The following SPEN variants were observed in gnomAD, a reference collection of about 807,000 sequenced individuals.
SPEN encodes the protein spen family transcriptional repressor.
SPEN carries 18 observed loss-of-function variants against 269.9 expected under a neutral mutation model. The observed-to-expected ratio is 0.07, with a 90% CI of 0.05 to 0.10. The LOEUF is 0.10. Among genes scored for constraint, SPEN ranks in the 10% least tolerant of loss-of-function variants. The probability of loss-of-function intolerance (pLI) is 1.00; values close to 1 mark genes in which losing one functional copy is unlikely to be tolerated. For missense variants in SPEN, 3,822 were observed against 4,631.2 expected (o/e 0.83, Z 5.07); for synonymous variants, 1,726 against 1,765.7 (o/e 0.98, Z 0.56).
intron 1 of SPEN, among the ~76,000 whole-genome samples, chr1:15,857,205 C>T (rs2070395951): frequency 6.6e-6 from 1 of 152,086 alleles, no homozygotes; most frequent in South Asian, 2.1e-4. Flanking sequence ...GCTAGGACTA[C>T]AGGCGCACAC....
intron 1 of SPEN, among the ~76,000 whole-genome samples, chr1:15,868,926 A>G (rs2070545194): frequency 6.6e-6 from 1 of 152,208 alleles, no homozygotes; most frequent in East Asian, 1.9e-4. Flanking sequence ...TAATCTGAGT[A>G]TATGATTTCA....
intron 3 of SPEN, among the ~76,000 whole-genome samples, chr1:15,886,244 G>T (rs598371): frequency 3.9e-5 from 6 of 152,040 alleles, no homozygotes; most frequent in Admixed American, 3.9e-4. Flanking sequence ...CTTGCTTTTA[G>T]TTAGGATGCT....
At position 15,929,638 on chromosome 1, in the gene SPEN, A is replaced by G. The variant is rs764190139; in HGVS notation, c.3398A>G (p.Tyr1133Cys). The G allele has an allele frequency of 2.8e-5, 46 of 1,614,174 alleles. No homozygotes were observed. The South Asian group carries it at 2.9e-4, about 10-fold the overall frequency. Residue 1133 changes from tyrosine (Y) to cysteine (C), a missense_variant, in exon 11 of 15, where the codon TAT (tyrosine) becomes TGT (cysteine). Tyr to Cys is a radical substitution (Grantham distance 194, BLOSUM62 -2). This residue lies in a region of SPEN where 572 missense variants were observed against 582.6 expected (regional missense o/e 0.98). Coordinates refer to ENST00000375759, the MANE Select transcript of SPEN (RefSeq NM_015001.3). The surrounding 1 kb of genome is among the most constrained non-coding windows in gnomAD (Gnocchi z 5.8). ...GPEREDVRKN[Y>C]CSLRDETPER... is the part of the protein sequence containing the mutation. Reference sequence around the variant, plus strand: ...GAGAGAGAAGACGTTAGGAAAAACTATTGCAGTCTTCGTGATGAAACACCT... The same window carrying G: ...GAGAGAGAAGACGTTAGGAAAAACTGTTGCAGTCTTCGTGATGAAACACCT...
intron 1 of SPEN, among the ~76,000 whole-genome samples, chr1:15,852,680 C>G (rs1219219179): frequency 1.3e-5 from 2 of 152,070 alleles, no homozygotes; most frequent in African/African-American, 4.8e-5. Flanking sequence ...GAAGAGGTTT[C>G]AGGCTTGATT....
At chr1:15,918,872 T>C in intron 6 of SPEN, 54 bp from the exon 7 acceptor site, 2 of 1,487,092 alleles carry the variant, frequency 1.3e-6, no homozygotes, top group Non-Finnish European at 1.8e-6. Context: ...ACTTGGTTCA[T>C]TCTAATTTAT....
At chr1:15,857,169 A>G (rs1304338677) in intron 1 of SPEN, among the ~76,000 whole-genome samples, 6 of 150,968 alleles carry the variant, frequency 4.0e-5, no homozygotes, top group Non-Finnish European at 5.9e-5. Context: ...GGCTCAAGAG[A>G]TCCTCCCATC....
At chr1:15,917,151 T>C (rs531266870) in intron 6 of SPEN, among the ~76,000 whole-genome samples, 17 of 152,264 alleles carry the variant, frequency 1.1e-4, no homozygotes, top group African/African-American at 3.8e-4. Flanking sequence ...AGCAAATTAG[T>C]GTATGATTGT....
chr1:15,931,140 C>T lies in SPEN; in HGVS notation c.4900C>T (p.Pro1634Ser), dbSNP rs1198818493. The T allele has an allele frequency of 2.5e-6, 4 of 1,614,122 alleles. No individual in the cohort carries two copies. Among genetic ancestry groups the T allele is most frequent in the African/African-American group, 2.7e-5 (2 of 74,942 alleles). Residue 1634 changes from proline (P) to serine (S), a missense_variant, in exon 11 of 15, where the codon CCA (proline) becomes TCA (serine). Around this residue, in one of 16 missense-constraint regions of SPEN, gnomAD observed 533 missense variants for 618.8 expected, o/e 0.86. Transcript: ENST00000375759. This position sits in a 1 kb window ranked among gnomAD's most constrained non-coding sequence, Gnocchi z 4.8. Reference protein sequence around the residue: ...PENKDSELKTPPSVGPPSVTV... With the variant: ...PENKDSELKTSPSVGPPSVTV... ...GAATAAAGATTCAGAACTGAAAACT[C>T]CACCTTCCGTTGGGCCTCCAAGTGT...
At chr1:15,870,013 C>T (rs1007723680) in intron 1 of SPEN, among the ~76,000 whole-genome samples, 5 of 151,964 alleles carry the variant, frequency 3.3e-5, no homozygotes, top group Non-Finnish European at 5.9e-5. Context: ...GGATTACAGG[C>T]GGGCACCACC....
chr1:15,912,577 G>A (rs1000871180), intron 5 of SPEN, among the ~76,000 whole-genome samples: 1 of 152,052 alleles, frequency 6.6e-6, no homozygotes, highest in African/African-American at 2.4e-5. Context: ...AAACTGGCAC[G>A]GAATTGTTAG....
chr1:15,871,716 A>G (rs562578044), intron 1 of SPEN, among the ~76,000 whole-genome samples: 2 of 152,254 alleles, frequency 1.3e-5, no homozygotes, highest in Non-Finnish European at 2.9e-5. Flanking sequence ...GCAAATGGAC[A>G]CAAAAATATT....
In SPEN at chr1:15,932,791, C is replaced by T. The variant is rs766306532; in HGVS notation, c.6551C>T (p.Ala2184Val). 6.2e-7 allele frequency: 1 copy of T among 1,614,100 alleles called. No homozygotes were observed. ...GAACACATCGCAAAGCTCGCTGAGG[C>T]CTCTGCCTCTGCTGCCTATAAGGCA... ...AVEHIAKLAEASASAAYKADA... is the reference protein window; with the variant it reads ...AVEHIAKLAEVSASAAYKADA... The change falls in exon 11 of 15, where the codon GCC becomes GTC. Residue 2184 changes from alanine to valine, a missense_variant. Physicochemically the swap from Ala to Val is moderately conservative, Grantham distance 64. Coordinates refer to ENST00000375759, the MANE Select transcript of SPEN (RefSeq NM_015001.3). The surrounding 1 kb of genome is among the most constrained non-coding windows in gnomAD (Gnocchi z 4.2).
At chr1:15,884,996 G>T (rs959202070) in intron 3 of SPEN, among the ~76,000 whole-genome samples, 1 of 152,124 alleles carries the variant, frequency 6.6e-6, no homozygotes, top group African/African-American at 2.4e-5. Context: ...CTCCCAAAGT[G>T]CTGGGATTTC....
At chr1:15,920,149 A>G (rs554262612) in intron 8 of SPEN, among the ~76,000 whole-genome samples, 1 of 152,128 alleles carries the variant, frequency 6.6e-6, no homozygotes, top group South Asian at 2.1e-4. Context: ...AGCTCACTGC[A>G]ACCTCCGCCT....
intron 1 of SPEN, among the ~76,000 whole-genome samples, chr1:15,854,098 G>A (rs1400178055): frequency 1.3e-5 from 2 of 152,148 alleles, no homozygotes; most frequent in Admixed American, 6.5e-5. Flanking sequence ...ACCATGCCCG[G>A]CCTGCTTGCT....
At position 15,928,644 on chromosome 1, in the gene SPEN, G is replaced by C. The variant is rs886085263; in HGVS notation, c.2404G>C (p.Val802Leu). The C allele has an allele frequency of 3.7e-6, 6 of 1,613,974 alleles. No individual in the cohort carries two copies. The African/African-American group carries it at 8.0e-5, about 22-fold the overall frequency. Residue 802 changes from valine to leucine, a missense_variant, in exon 11 of 15, where the codon GTG (valine) becomes CTG (leucine). Around this residue, in one of 16 missense-constraint regions of SPEN, gnomAD observed 572 missense variants for 582.6 expected, o/e 0.98. Coordinates refer to ENST00000375759, the MANE Select transcript of SPEN (RefSeq NM_015001.3). The surrounding 1 kb of genome is among the most constrained non-coding windows in gnomAD (Gnocchi z 5.7). ...AGAACGAACTTTTGATCCGGAGAGA[G>C]TGGAGAGAGAGAGACGCTTAATACG... ...DKERTFDPERVERERRLIRKE... is the reference protein window; with the variant it reads ...DKERTFDPERLERERRLIRKE...
chr1:15,849,334 G>C (rs2070309748), intron 1 of SPEN, among the ~76,000 whole-genome samples: 2 of 152,246 alleles, frequency 1.3e-5, no homozygotes, highest in African/African-American at 2.4e-5. Context: ...AAAATAGATT[G>C]CGTCGCTCGC....
rs533061279 is a variant in SPEN at position 15,939,518 on chromosome 1, G to A, written c.*91G>A. The A allele has an allele frequency of 2.4e-4, 340 of 1,419,218 alleles. No homozygotes were observed. In the African/African-American group the frequency reaches 4.3e-3, roughly 18 times the overall value. 87.9% of individuals were successfully genotyped at this position (1,419,218 alleles called of 1,614,324 possible). A position where few individuals can be genotyped will look rare whatever the true frequency, so the allele number is the denominator to read the frequency against. ...CAGCCAAGCAGAGGAAGAAGCTGCCGAAGGGGACAGACTCCACTGCCAGAC... is the reference window on the plus strand; with the variant it reads ...CAGCCAAGCAGAGGAAGAAGCTGCCAAAGGGGACAGACTCCACTGCCAGAC... On this transcript the variant is annotated 3_prime_UTR_variant, in exon 15 of 15. Coordinates refer to ENST00000375759, the MANE Select transcript of SPEN (RefSeq NM_015001.3). The surrounding 1 kb of genome is among the most constrained non-coding windows in gnomAD (Gnocchi z 4.1).
intron 1 of SPEN, among the ~76,000 whole-genome samples, chr1:15,861,155 C>T (rs1377346387): frequency 1.4e-5 from 2 of 144,222 alleles, no homozygotes; most frequent in African/African-American, 2.6e-5. Context: ...TTTTTTGAGA[C>T]GGAATCTCAC....
Sources: gnomAD v4.1 joint callset for allele counts (sites outside exome capture counted in the v4.1 genomes callset) on GRCh38, gnomAD v4.1.1 for gene constraint, gnomAD v4.1.1 regional missense constraint, Gnocchi (gnomAD v3.1) non-coding constraint, MANE v1.5 for transcripts, NCBI Gene and HGNC (gene_info 2026-07-23, HGNC 2026-07-21) for gene names.